GCNT2: variants seen among roughly 807,000 people sequenced by gnomAD.
The protein encoded by GCNT2 is glucosaminyl (N-acetyl) transferase 2 (I blood group).
Under a neutral mutation model 34.2 loss-of-function variants are expected in GCNT2, and 34 were observed. The observed-to-expected ratio is 1.00, with a 90% CI of 0.76 to 1.32. GCNT2 has a LOEUF of 1.32. Ranked by LOEUF, GCNT2 falls within the 40% of genes most tolerant of loss-of-function variation. The pLI is 0.00. For missense variants in GCNT2, 584 were observed against 489.4 expected (o/e 1.19, Z -1.82); for synonymous variants, 212 against 188.0 (o/e 1.13, Z -1.04).
At chr6:10,555,689 A>AC (rs1311991227) in intron 3 of GCNT2, 1 of 978,852 alleles carries the variant, frequency 1.0e-6, no homozygotes, top group East Asian at 1.1e-4. Context: ...GCAATTTCAG[A>AC]CCCCCTGGGA....
intron 3 of GCNT2, among the ~76,000 whole-genome samples, chr6:10,601,943 GAAAA>G (rs57927445): frequency 8.8e-6 from 1 of 113,052 alleles, no homozygotes. Context: ...TCCATCTCAA[GAAAA>G]AAAAAAAAAA....
At chr6:10,528,450 A>T (rs1216926415) in intron 2 of GCNT2, 181 bp from the exon 3 acceptor site, 3 of 211,252 alleles carry the variant, frequency 1.4e-5, no homozygotes, top group Non-Finnish European at 2.9e-5. Context: ...GAACACAATG[A>T]TTAACAGGAA....
chr6:10,529,560 C>T lies in GCNT2; in HGVS notation c.649C>T (p.Pro217Ser). The T allele has an allele frequency of 6.2e-7, 1 of 1,614,144 alleles. No individual in the cohort carries two copies. The highest frequency in any genetic ancestry group is 8.5e-7 in the Non-Finnish European group (1 of 1,180,018). The stretch of plus-strand genomic sequence containing the variant: ...GGGATTTAAAGGGAAAAATATCACC[C>T]CCGGAGTGCTGCCTCCTGACCACGC... ...LKGFKGKNIT[P>S]GVLPPDHAVG... Residue 217 changes from proline to serine, a missense_variant, in exon 3 of 5, where the codon CCC becomes TCC. Pro to Ser is a moderately conservative substitution (Grantham distance 74). Coordinates refer to ENST00000495262, the MANE Select transcript of GCNT2 (RefSeq NM_145649.5).
At chr6:10,596,555 G>A (rs75138119) in intron 3 of GCNT2, among the ~76,000 whole-genome samples, 3,742 of 151,908 alleles carry the variant, frequency 0.025, 152 homozygotes, top group African/African-American at 0.085. Flanking sequence ...CTTGGCCTCC[G>A]TTTTTCTGGA....
rs540286059 is a variant in GCNT2 at position 10,628,241 on chromosome 6, C to A, written c.*1634C>A. ...AAAATGTGAAGTCTACTTTAGTATT[C>A]CTGTAATACTAAACCGTTGAGTTTC... is the stretch of plus-strand genomic sequence containing the variant. On this transcript the variant is annotated 3_prime_UTR_variant, in exon 5 of 5. Transcript: ENST00000495262. 4.9e-4 allele frequency: 75 copies of A among 152,628 alleles called. No homozygotes were observed. The highest frequency in any genetic ancestry group is 1.8e-3 in the African/African-American group (74 of 41,532). 9.5% of individuals were successfully genotyped at this position (152,628 alleles called of 1,614,324 possible).
intron 3 of GCNT2, among the ~76,000 whole-genome samples, chr6:10,545,175 T>G (rs1762217680): frequency 6.6e-6 from 1 of 152,032 alleles, no homozygotes; most frequent in Non-Finnish European, 1.5e-5. Flanking sequence ...GTCTATATCC[T>G]TTTCCTCCCA....
intron 4 of GCNT2, among the ~76,000 whole-genome samples, chr6:10,624,924 A>G (rs541548112): frequency 9.2e-5 from 14 of 152,268 alleles, no homozygotes; most frequent in Non-Finnish European, 1.5e-4. Flanking sequence ...TCTTGAAGAC[A>G]TCGAGTTGTC....
Position 10,626,405 on chromosome 6 carries a change from T to G in GCNT2, c.1019-12T>G, listed in dbSNP as rs749334845. The G allele has an allele frequency of 4.4e-5, 70 of 1,602,760 alleles. No individual in the cohort carries two copies. The highest frequency in any genetic ancestry group is 4.5e-5 in the Non-Finnish European group (53 of 1,169,594). The stretch of plus-strand genomic sequence containing the variant: ...CATGTTTTGACTCTGTTTCTTGTTC[T>G]TTCTTTTGCAGGCCACTATGTACAT... On this transcript the variant is annotated splice_polypyrimidine_tract_variant and intron_variant, in intron 4 of 4. Transcript: ENST00000495262.
intron 3 of GCNT2, among the ~76,000 whole-genome samples, chr6:10,535,312 G>A (rs539461423): frequency 1.1e-3 from 170 of 152,304 alleles, no homozygotes; most frequent in Non-Finnish European, 1.9e-3. Context: ...CAGAAAGGGG[G>A]TTCACATATG....
At chr6:10,559,518 C>G (rs1207412552) in intron 3 of GCNT2, among the ~76,000 whole-genome samples, 1 of 152,204 alleles carries the variant, frequency 6.6e-6, no homozygotes, top group Non-Finnish European at 1.5e-5. Flanking sequence ...CCCTTTCATT[C>G]CTACACATAC....
At chr6:10,577,324 A>G (rs1008510063) in intron 3 of GCNT2, among the ~76,000 whole-genome samples, 2 of 152,174 alleles carry the variant, frequency 1.3e-5, no homozygotes, top group African/African-American at 4.8e-5. Flanking sequence ...GCCTCCTCTC[A>G]TCCCAGGCAA....
Position 10,529,394 on chromosome 6 carries a change from T to TG in GCNT2, c.489dup (p.Ile164AspfsTer7), listed in dbSNP as rs1176388020. The TG allele has an allele frequency of 3.7e-6, 6 of 1,613,922 alleles. No individual in the cohort carries two copies. The highest frequency in any genetic ancestry group is 1.1e-5 in the South Asian group (1 of 91,076). On this transcript the variant is annotated frameshift_variant, in exon 3 of 5. Transcript: ENST00000495262. LOFTEE classifies it high-confidence loss of function. ...CTTCCAAGAAGGAGTCGGTTGTCTA[T>TG]GGGGGGATCTCCAGGCTCCAGGCTG... is the stretch of plus-strand genomic sequence containing the variant.
At chr6:10,576,153 A>C (rs1338560440) in intron 3 of GCNT2, among the ~76,000 whole-genome samples, 1 of 152,120 alleles carries the variant, frequency 6.6e-6, no homozygotes, top group Non-Finnish European at 1.5e-5. Flanking sequence ...TACAGGCGTG[A>C]GCCACCACGC....
chr6:10,589,714 G>A (rs1280086368), intron 3 of GCNT2, among the ~76,000 whole-genome samples: 2 of 152,094 alleles, frequency 1.3e-5, no homozygotes, highest in East Asian at 1.9e-4. Flanking sequence ...ATACTTCCTT[G>A]TACATCTTTC....
At chr6:10,601,237 C>A (rs1765076349) in intron 3 of GCNT2, among the ~76,000 whole-genome samples, 1 of 152,010 alleles carries the variant, frequency 6.6e-6, no homozygotes, top group South Asian at 2.1e-4. Context: ...TAATATTATT[C>A]ATTTGGGGCA....
chr6:10,569,705 A>G (rs1486378711), intron 3 of GCNT2, among the ~76,000 whole-genome samples: 1 of 152,196 alleles, frequency 6.6e-6, no homozygotes, highest in African/African-American at 2.4e-5. Flanking sequence ...AGTCTCAGCT[A>G]TGCCCTAAGC....
intron 3 of GCNT2, among the ~76,000 whole-genome samples, chr6:10,578,042 C>T (rs1763898272): frequency 6.6e-6 from 1 of 152,076 alleles, no homozygotes; most frequent in African/African-American, 2.4e-5. Flanking sequence ...TGACCTCATT[C>T]AAGAAATATC....
At chr6:10,578,324 T>TGAGCC (rs1763912340) in intron 3 of GCNT2, among the ~76,000 whole-genome samples, 1 of 144,822 alleles carries the variant, frequency 6.9e-6, no homozygotes. Flanking sequence ...AAGGTTGCAG[T>TGAGCC]GAGCCGAGAT....
In GCNT2 at chr6:10,556,184, C is replaced by T. The variant is rs961105979; in HGVS notation, c.925+26348C>T. On this transcript the variant is annotated intron_variant, in intron 3 of 4. Transcript: ENST00000495262. ...AGGAGGGAAGGCTGGGCTTCAGCAACCTGCCACGGGGATTTAAACAAAGGA... is the reference window on the plus strand; with the variant it reads ...AGGAGGGAAGGCTGGGCTTCAGCAATCTGCCACGGGGATTTAAACAAAGGA... The T allele has an allele frequency of 2.9e-6, 4 of 1,383,798 alleles. No individual in the cohort carries two copies. In the African/African-American group the frequency reaches 5.8e-5, roughly 20 times the overall value. The allele number at this position is 1,383,798 out of a possible 1,614,324, so 85.7% of individuals were successfully genotyped here. A position where few individuals can be genotyped will look rare whatever the true frequency, so the allele number is the denominator to read the frequency against.
Sources: allele counts gnomAD v4.1 joint callset (sites outside exome capture counted in the v4.1 genomes callset), GRCh38; gene constraint gnomAD v4.1.1; transcripts MANE v1.5; gene names NCBI Gene and HGNC (gene_info 2026-07-23, HGNC 2026-07-21).